TSHZ2: variants seen among roughly 807,000 people sequenced by gnomAD.
TSHZ2 encodes the protein teashirt homolog 2.
A neutral mutation model predicts 74.4 loss-of-function variants in TSHZ2; 21 were observed. That is an observed-to-expected ratio of 0.28 (90% confidence interval 0.20 to 0.41). TSHZ2 has a LOEUF of 0.41. TSHZ2 is among the 10% of genes least tolerant of loss of function. TSHZ2 has a pLI of 1.00. For missense variants in TSHZ2, 1,244 were observed against 1,293.5 expected (o/e 0.96, Z 0.59); for synonymous variants, 540 against 515.3 (o/e 1.05, Z -0.65).
intron 1 of TSHZ2, among the ~76,000 whole-genome samples, chr20:53,118,807 A>G (rs1272513001): frequency 1.3e-5 from 2 of 152,158 alleles, no homozygotes; most frequent in East Asian, 3.9e-4. Flanking sequence ...ATTGCTTTAA[A>G]GCGATACCTG....
intron 2 of TSHZ2, among the ~76,000 whole-genome samples, chr20:53,314,592 G>A (rs913783925): frequency 2.5e-4 from 37 of 149,222 alleles, no homozygotes; most frequent in Non-Finnish European, 4.3e-4. Context: ...ATCTCCTTAC[G>A]AACAGTCTTA....
chr20:53,266,917 A>G (rs919561234), intron 2 of TSHZ2, among the ~76,000 whole-genome samples: 1 of 151,572 alleles, frequency 6.6e-6, no homozygotes, highest in African/African-American at 2.4e-5. Context: ...AGCTGAGCTT[A>G]CGGGTGCCAC....
chr20:53,453,060 G>A (rs1984870622), intron 2 of TSHZ2: 1 of 152,136 alleles, frequency 6.6e-6, no homozygotes, highest in African/African-American at 2.4e-5. Flanking sequence ...GGCTCCATGT[G>A]ATCTCTCCAT....
chr20:53,107,711 C>G (rs1986418745), intron 1 of TSHZ2, among the ~76,000 whole-genome samples: 1 of 152,156 alleles, frequency 6.6e-6, no homozygotes, highest in Non-Finnish European at 1.5e-5. Flanking sequence ...ATCTTCCCAA[C>G]AGGTCATGGG....
At chr20:53,436,655 C>T (rs1205439833) in intron 2 of TSHZ2, among the ~76,000 whole-genome samples, 1 of 150,404 alleles carries the variant, frequency 6.6e-6, no homozygotes, top group Non-Finnish European at 1.5e-5. Context: ...AAGCACTTCT[C>T]CTGCCTCAGC....
intron 1 of TSHZ2, among the ~76,000 whole-genome samples, chr20:53,174,271 C>A (rs574183765): frequency 6.6e-6 from 1 of 152,206 alleles, no homozygotes; most frequent in South Asian, 2.1e-4. Context: ...ATATTTAAAT[C>A]TATGAAGAAT....
At chr20:53,472,863 G>A (rs940971834) in intron 2 of TSHZ2, among the ~76,000 whole-genome samples, 3 of 152,014 alleles carry the variant, frequency 2.0e-5, no homozygotes, top group African/African-American at 7.2e-5. Flanking sequence ...AGGGGTCAGG[G>A]AGTTCCCTTT....
intron 2 of TSHZ2, among the ~76,000 whole-genome samples, chr20:53,423,906 G>T (rs1983569347): frequency 1.3e-5 from 2 of 152,178 alleles, no homozygotes; most frequent in Non-Finnish European, 2.9e-5. Context: ...ACGCCCAGGG[G>T]GTGGTGCTGT....
intron 2 of TSHZ2, among the ~76,000 whole-genome samples, chr20:53,310,516 T>C (rs1978735968): frequency 6.6e-6 from 1 of 152,242 alleles, no homozygotes; most frequent in Non-Finnish European, 1.5e-5. Context: ...TGCATCAGGA[T>C]TTCACAAGAT....
chr20:53,174,001 T>C (rs1040112846), intron 1 of TSHZ2, among the ~76,000 whole-genome samples: 2 of 152,100 alleles, frequency 1.3e-5, no homozygotes, highest in African/African-American at 4.8e-5. Flanking sequence ...TACACACACA[T>C]ACACATACCC....
rs188240819 is a variant in TSHZ2 at position 53,112,802 on chromosome 20, C to T, written c.40+139469C>T. Among the ~76,000 whole-genome samples the T allele has an allele frequency of 3.3e-5, 5 of 152,316 alleles. No individual in the cohort carries two copies. In the East Asian group the frequency reaches 5.8e-4, roughly 18 times the overall value. On this transcript the variant is annotated intron_variant, in intron 1 of 2. Coordinates refer to ENST00000371497, the MANE Select transcript of TSHZ2 (RefSeq NM_173485.6). ...CCTCCCAAAGTGCTGAGATTAAAGG[C>T]GTGTGCCCCTACACCCAGCTGGAAA...
intron 2 of TSHZ2, among the ~76,000 whole-genome samples, chr20:53,341,708 G>C (rs937664456): frequency 5.2e-4 from 79 of 151,956 alleles, no homozygotes; most frequent in Admixed American, 2.1e-3. Flanking sequence ...TTTGCTTTGT[G>C]GGGCAGGGGG....
intron 2 of TSHZ2, among the ~76,000 whole-genome samples, chr20:53,436,281 T>G (rs1267009258): frequency 6.6e-6 from 1 of 152,160 alleles, no homozygotes. Context: ...CTGTTCAGGC[T>G]TAACGATGAA....
intron 1 of TSHZ2, among the ~76,000 whole-genome samples, chr20:53,004,784 A>G (rs1206637854): frequency 1.3e-5 from 2 of 152,204 alleles, no homozygotes; most frequent in African/African-American, 4.8e-5. Flanking sequence ...ATATAATAAT[A>G]AAAATAATAA....
chr20:53,344,566 CAAAG>C lies in TSHZ2; in HGVS notation c.*8+87997_*8+88000del, dbSNP rs540165258. Reference sequence around the variant, plus strand: ...GGTTTTTATATGAGAGAGCGAATGACAAAGAGAGAAGAAAAGAAGAGAAAAATCA... The same window carrying C: ...GGTTTTTATATGAGAGAGCGAATGACAGAGAAGAAAAGAAGAGAAAAATCA... On this transcript the variant is annotated intron_variant, in intron 2 of 2. Coordinates refer to ENST00000371497, the MANE Select transcript of TSHZ2 (RefSeq NM_173485.6). Among the ~76,000 whole-genome samples, 20 of 151,802 alleles carry C rather than the reference CAAAG, an allele frequency of 1.3e-4. No homozygotes were observed. The South Asian group carries it at 2.7e-3, about 21-fold the overall frequency.
At chr20:53,469,618 GAGGGAGGA>G (rs1168510972) in intron 2 of TSHZ2, among the ~76,000 whole-genome samples, 1 of 106,528 alleles carries the variant, frequency 9.4e-6, no homozygotes, top group Non-Finnish European at 1.8e-5. Context: ...GATAGATAGA[GAGGGAGGA>G]AGGGAGGGAG....
At chr20:53,102,730 GTTA>G (rs1224677410) in intron 1 of TSHZ2, among the ~76,000 whole-genome samples, 1 of 152,134 alleles carries the variant, frequency 6.6e-6, no homozygotes, top group Non-Finnish European at 1.5e-5. Context: ...ATGTAAAAAA[GTTA>G]TTATGGTAGA....
chr20:53,049,677 G>A (rs998957571), intron 1 of TSHZ2, among the ~76,000 whole-genome samples: 1 of 152,098 alleles, frequency 6.6e-6, no homozygotes. Flanking sequence ...AGTAGACAAG[G>A]AAGGAAAGGA....
intron 1 of TSHZ2, among the ~76,000 whole-genome samples, chr20:53,163,609 C>T (rs73270641): frequency 0.02 from 3,045 of 152,066 alleles, 113 homozygotes; most frequent in African/African-American, 0.068. Context: ...GAATCACTCA[C>T]GCTGGGGGAC....
Sources: gnomAD v4.1 joint callset for allele counts (sites outside exome capture counted in the v4.1 genomes callset) on GRCh38, gnomAD v4.1.1 for gene constraint, MANE v1.5 for transcripts, NCBI Gene and HGNC (gene_info 2026-07-23, HGNC 2026-07-21) for gene names.